Variants in CDIN1 observed in about 807,000 individuals in gnomAD.
CDIN1 encodes CDAN1 interacting nuclease 1.
A neutral mutation model predicts 45.3 loss-of-function variants in CDIN1; 33 were observed. The ratio of observed to expected loss-of-function variants is 0.73; its 90% CI spans 0.55 to 0.97. The LOEUF (loss-of-function observed/expected upper bound fraction) is 0.97, where lower values mean the gene tolerates loss of function less well. CDIN1 is among the 50% of genes least tolerant of loss of function. CDIN1 has a pLI of 0.00. For synonymous variants in CDIN1, 118 were observed against 124.4 expected, an observed-to-expected ratio of 0.95 and a Z score of 0.34; for missense variants, 303 against 339.4, an observed-to-expected ratio of 0.89 and a Z score of 0.84.
At chr15:36,607,610 C>G (rs1313736891) in intron 1 of CDIN1, among the ~76,000 whole-genome samples, 1 of 151,956 alleles carries the variant, frequency 6.6e-6, no homozygotes, top group Non-Finnish European at 1.5e-5. Flanking sequence ...TCTTAACTTC[C>G]TTTTATTCCT....
chr15:36,775,790 T>C (rs996953218), intron 10 of CDIN1, among the ~76,000 whole-genome samples: 4 of 152,234 alleles, frequency 2.6e-5, no homozygotes, highest in African/African-American at 9.6e-5. Context: ...TCGATATTTA[T>C]AGAAACCTAC....
In CDIN1 at chr15:36,645,216, C is replaced by G; in HGVS notation, c.148-7C>G. The G allele has an allele frequency of 1.3e-6, 2 of 1,546,030 alleles. No individual in the cohort carries two copies. The highest frequency in any genetic ancestry group is 1.7e-6 in the Non-Finnish European group (2 of 1,144,288). On this transcript the variant is annotated splice_region_variant and splice_polypyrimidine_tract_variant and intron_variant, in intron 2 of 10. Coordinates refer to ENST00000566621, the MANE Select transcript of CDIN1 (RefSeq NM_001321759.2). Reference sequence around the variant, plus strand: ...ATTTTTTTGTGTTGTTGTTTTTTTTCTTTCAGAAACACATTAAAAGAACAC... The same window carrying G: ...ATTTTTTTGTGTTGTTGTTTTTTTTGTTTCAGAAACACATTAAAAGAACAC...
At chr15:36,611,537 G>A (rs760124329) in intron 1 of CDIN1, among the ~76,000 whole-genome samples, 1 of 152,188 alleles carries the variant, frequency 6.6e-6, no homozygotes, top group Non-Finnish European at 1.5e-5. Context: ...TGGGTTGGTT[G>A]AGTGAATCTA....
intron 10 of CDIN1, among the ~76,000 whole-genome samples, chr15:36,803,471 A>AT: frequency 6.6e-6 from 1 of 152,176 alleles, no homozygotes; most frequent in Non-Finnish European, 1.5e-5. Flanking sequence ...AATATGCAGG[A>AT]TTTTGTGTAA....
intron 1 of CDIN1, among the ~76,000 whole-genome samples, chr15:36,583,505 A>G (rs2037141789): frequency 1.3e-5 from 2 of 152,174 alleles, no homozygotes; most frequent in Admixed American, 6.5e-5. Flanking sequence ...GATCTGTAAT[A>G]TCTTACAACT....
intron 10 of CDIN1, among the ~76,000 whole-genome samples, chr15:36,776,793 C>T (rs2054228670): frequency 6.6e-6 from 1 of 152,106 alleles, no homozygotes. Context: ...AAAGTGGTTG[C>T]CAGTCGCCCA....
chr15:36,673,742 G>C (rs983544640), intron 5 of CDIN1, among the ~76,000 whole-genome samples: 1 of 151,966 alleles, frequency 6.6e-6, no homozygotes, highest in South Asian at 2.1e-4. Flanking sequence ...AAATTTGGCA[G>C]GGTGGGTGAT....
intron 10 of CDIN1, among the ~76,000 whole-genome samples, chr15:36,764,460 A>T (rs1395393754): frequency 6.6e-6 from 1 of 152,110 alleles, no homozygotes; most frequent in African/African-American, 2.4e-5. Flanking sequence ...TCAGTTTTTA[A>T]AGGTATTTAG....
At chr15:36,712,601 A>T (rs188967713) in intron 10 of CDIN1, among the ~76,000 whole-genome samples, 1 of 152,248 alleles carries the variant, frequency 6.6e-6, no homozygotes, top group African/African-American at 2.4e-5. Context: ...TTCCCACACA[A>T]ATAACTACAG....
At chr15:36,598,391 A>G (rs760675941) in intron 1 of CDIN1, among the ~76,000 whole-genome samples, 4 of 152,182 alleles carry the variant, frequency 2.6e-5, no homozygotes, top group Non-Finnish European at 4.4e-5. Context: ...TTTGCTTAGT[A>G]TTCTTTCCTA....
intron 1 of CDIN1, among the ~76,000 whole-genome samples, chr15:36,625,053 G>A (rs371806395): frequency 2.5e-4 from 38 of 152,108 alleles, no homozygotes; most frequent in Admixed American, 9.8e-4. Context: ...TGAGGCAGGC[G>A]GATCACAAGG....
intron 1 of CDIN1, among the ~76,000 whole-genome samples, chr15:36,624,524 T>C (rs1005343196): frequency 5.3e-5 from 8 of 152,172 alleles, no homozygotes; most frequent in African/African-American, 1.9e-4. Flanking sequence ...AAATCTATAG[T>C]TTTTTCAAAC....
intron 1 of CDIN1, among the ~76,000 whole-genome samples, chr15:36,613,145 T>G (rs576898551): frequency 6.6e-6 from 1 of 152,236 alleles, no homozygotes; most frequent in African/African-American, 2.4e-5. Context: ...ATCTCTGTTA[T>G]GTGTTCACAT....
intron 1 of CDIN1, among the ~76,000 whole-genome samples, chr15:36,598,928 G>C (rs988748670): frequency 2.0e-5 from 3 of 152,162 alleles, no homozygotes; most frequent in African/African-American, 7.2e-5. Flanking sequence ...TTAATTGTGA[G>C]ATCCTTTGGA....
At chr15:36,699,078 G>C (rs1051928715) in intron 8 of CDIN1, among the ~76,000 whole-genome samples, 2 of 152,104 alleles carry the variant, frequency 1.3e-5, no homozygotes, top group Non-Finnish European at 2.9e-5. Flanking sequence ...TTATTTTATG[G>C]AAGCATACTC....
At chr15:36,662,360 T>G (rs2041049054) in intron 5 of CDIN1, among the ~76,000 whole-genome samples, 1 of 152,222 alleles carries the variant, frequency 6.6e-6, no homozygotes, top group Admixed American at 6.5e-5. Context: ...ATGATTTCCC[T>G]GATGGGATTA....
intron 10 of CDIN1, among the ~76,000 whole-genome samples, chr15:36,793,810 C>T (rs1357976349): frequency 6.6e-6 from 1 of 152,070 alleles, no homozygotes; most frequent in Non-Finnish European, 1.5e-5. Context: ...TTCCTAAAAC[C>T]CCATTGTGTG....
chr15:36,716,608 C>G (rs2043223767), intron 10 of CDIN1, among the ~76,000 whole-genome samples: 1 of 152,080 alleles, frequency 6.6e-6, no homozygotes, highest in South Asian at 2.1e-4. Context: ...TGGCTTTACC[C>G]TATTTTAATT....
intron 1 of CDIN1, among the ~76,000 whole-genome samples, chr15:36,639,380 G>A (rs35928180): frequency 0.34 from 32,050 of 93,720 alleles, 3,743 homozygotes; most frequent in Admixed American, 0.46. Flanking sequence ...CCAAGGTGGG[G>A]GATCACTTGA....
Sources: allele counts gnomAD v4.1 joint callset (sites outside exome capture counted in the v4.1 genomes callset), GRCh38; gene constraint gnomAD v4.1.1; transcripts MANE v1.5; gene names NCBI Gene and HGNC (gene_info 2026-07-23, HGNC 2026-07-21).